Variants in ZNF81 observed in about 807,000 individuals in gnomAD.
ZNF81 encodes zinc finger protein 81.
Under a neutral mutation model 32.3 loss-of-function variants are expected in ZNF81, and 5 were observed. The ratio of observed to expected loss-of-function variants is 0.15; its 90% CI spans 0.08 to 0.33. ZNF81 has a LOEUF of 0.33. ZNF81 is among the 10% of genes least tolerant of loss of function. The pLI, the probability that ZNF81 is intolerant of heterozygous loss-of-function variation, is 1.00. For synonymous variants in ZNF81, 163 were observed against 166.8 expected (o/e 0.98, Z 0.17); for missense variants, 379 against 479.8 (o/e 0.79, Z 1.96).
At position 47,915,581 on chromosome X, in the gene ZNF81, C is replaced by T. The variant is rs1380074635; in HGVS notation, c.935C>T (p.Thr312Ile). 1.7e-6 allele frequency: 2 copies of T among 1,211,011 alleles called. No homozygotes were observed. Among genetic ancestry groups the T allele is most frequent in the African/African-American group, 1.7e-5 (1 of 57,757 alleles). The change falls in exon 5 of 5, where the codon ACA (threonine) becomes ATA (isoleucine). Residue 312 changes from threonine (T) to isoleucine (I), a missense_variant. Physicochemically the swap from Thr to Ile is moderately conservative, Grantham distance 89. Transcript: ENST00000338637. ...HELSKCVNVF[T>I]QKPLLSIYLR... ...CTTAGCAAATGTGTAAATGTTTTTA[C>T]ACAGAAGCCACTACTCAGTATATAT...
At chrX:47,846,070 A>G (rs1335107391) in intron 1 of ZNF81, 35 bp from the exon 2 acceptor site, 33 of 510,863 alleles carry the variant, frequency 6.5e-5, no homozygotes, top group Non-Finnish European at 1.0e-4. Flanking sequence ...AGTAAGTGCT[A>G]TCTGCCTCTG....
At chrX:47,853,218 C>G (rs1440033740) in intron 2 of ZNF81, among the ~76,000 whole-genome samples, 2 of 107,504 alleles carry the variant, frequency 1.9e-5, no homozygotes, top group Non-Finnish European at 3.8e-5. Context: ...CGCTCTGTTA[C>G]CAGGCTGGAG....
In ZNF81 at chrX:47,915,617, A is replaced by G. The variant is rs782122882; in HGVS notation, c.971A>G (p.His324Arg). 8.3e-6 allele frequency: 10 copies of G among 1,208,860 alleles called. No homozygotes were observed. The East Asian group carries it at 1.8e-4, about 21-fold the overall frequency. ...KPLLSIYLRV[H>R]RDEKLYICTK... ...CTACTCAGTATATATCTGAGAGTTC[A>G]TAGAGATGAAAAACTCTACATATGT... is the stretch of plus-strand genomic sequence containing the variant. Residue 324 changes from histidine to arginine, a missense_variant, in exon 5 of 5, where the codon CAT becomes CGT. Around this residue, in one of 2 missense-constraint regions of ZNF81, gnomAD observed 277 missense variants for 306.6 expected, o/e 0.90. Coordinates refer to ENST00000338637, the MANE Select transcript of ZNF81 (RefSeq NM_007137.5).
rs782063546 is a variant in ZNF81 at position 47,840,063 on chromosome X, C to T, written c.-164+3076C>T. Among the ~76,000 whole-genome samples the T allele has an allele frequency of 1.2e-3, 135 of 109,505 alleles. 1 individual carries two copies. The highest frequency in any genetic ancestry group is 2.1e-3 in the Non-Finnish European group (111 of 52,633). ...ACCCCTGTTTTAATGGCTGCAGGAT[C>T]TGCAGTTACATCTCTGTGTTTCATT... On this transcript the variant is annotated intron_variant, in intron 1 of 4. Coordinates refer to ENST00000338637, the MANE Select transcript of ZNF81 (RefSeq NM_007137.5).
In ZNF81 at chrX:47,916,632, A is replaced by G. The variant is rs1556890983; in HGVS notation, c.1986A>G (p.Ter662TrpextTer2). The G allele has an allele frequency of 8.3e-7, 1 of 1,199,558 alleles. No homozygotes were observed. The highest frequency in any genetic ancestry group is 3.0e-5 in the East Asian group (1 of 33,723). The change falls in exon 5 of 5, where the codon TGA becomes TGG. Residue 662 changes from the stop codon to tryptophan (W), a stop_lost. Coordinates refer to ENST00000338637, the MANE Select transcript of ZNF81 (RefSeq NM_007137.5). ...GTATGCATCGCAATATTCATACATGAAAGTAATCCTGTTTCTTGAAAATGA... is the reference window on the plus strand; with the variant it reads ...GTATGCATCGCAATATTCATACATGGAAGTAATCCTGTTTCTTGAAAATGA... Reference protein sequence around the residue: ...VLSMHRNIHT* With the variant: ...VLSMHRNIHTW
chrX:47,922,773 C>T lies in ZNF81; in HGVS notation c.*6141C>T, dbSNP rs1317832855. 8.9e-6 allele frequency among the ~76,000 whole-genome samples: 1 copy of T among 111,862 alleles called. No individual in the cohort carries two copies. The highest frequency in any genetic ancestry group is 3.3e-5 in the African/African-American group (1 of 30,735). On this transcript the variant is annotated 3_prime_UTR_variant, in exon 5 of 5. Transcript: ENST00000338637. ...AAACAGCAGAAATTGTCTCATTGTT[C>T]TTGAGGCTGGAGATCCGAATCACGG...
intron 4 of ZNF81, among the ~76,000 whole-genome samples, chrX:47,908,276 G>T (rs1556889402): frequency 9.0e-6 from 1 of 110,975 alleles, no homozygotes; most frequent in Non-Finnish European, 1.9e-5. Context: ...ATATGAGAAG[G>T]TGCTAAAGAT....
Position 47,850,617 on chromosome X carries a change from A to G in ZNF81, c.54+4296A>G, listed in dbSNP as rs1241171065. 3.8e-5 allele frequency among the ~76,000 whole-genome samples: 4 copies of G among 104,253 alleles called. No homozygotes were observed. In the East Asian group the frequency reaches 9.0e-4, roughly 23 times the overall value. The allele number at this position is 104,253 out of a possible 115,157, so 90.5% of individuals were successfully genotyped here. A position where few individuals can be genotyped will look rare whatever the true frequency, so the allele number is the denominator to read the frequency against. ...AGGGGCGTTGCAGGGAGGGAGGGAA[A>G]GAGGCATGAGTAAGGCTTCCGGCCA... On this transcript the variant is annotated intron_variant, in intron 2 of 4. Coordinates refer to ENST00000338637, the MANE Select transcript of ZNF81 (RefSeq NM_007137.5).
At chrX:47,861,125 G>A (rs1414280414) in intron 2 of ZNF81, 6 of 111,940 alleles carry the variant, frequency 5.4e-5, no homozygotes, top group African/African-American at 2.0e-4. Context: ...CCAATTTATA[G>A]CCAATTAGTG....
At chrX:47,881,707 C>T (rs2058621295) in intron 2 of ZNF81, among the ~76,000 whole-genome samples, 3 of 112,017 alleles carry the variant, frequency 2.7e-5, no homozygotes, top group Admixed American at 9.5e-5. Flanking sequence ...ACTTACATCC[C>T]CAGTAGAATT....
At chrX:47,842,356 G>A (rs1263324324) in intron 1 of ZNF81, among the ~76,000 whole-genome samples, 1 of 111,426 alleles carries the variant, frequency 9.0e-6, no homozygotes, top group Non-Finnish European at 1.9e-5. Context: ...AACAGGAATG[G>A]CTTTTCTTGG....
chrX:47,848,651 T>A (rs1194760180), intron 2 of ZNF81, among the ~76,000 whole-genome samples: 6 of 110,352 alleles, frequency 5.4e-5, no homozygotes, highest in Admixed American at 2.0e-4. Context: ...TGAGTATCCC[T>A]AATCCAAAAA....
chrX:47,876,320 A>C (rs2058599327), intron 2 of ZNF81, among the ~76,000 whole-genome samples: 1 of 112,612 alleles, frequency 8.9e-6, no homozygotes, highest in Non-Finnish European at 1.9e-5. Context: ...GCAACAGTGA[A>C]AATTCAACTC....
Position 47,924,023 on chromosome X carries a change from C to G in ZNF81, c.*7391C>G, listed in dbSNP as rs782701363. ...TTCTCCACCAGCTTCTCATGGCAGTCCCACATCAGCAGCTAGATGTGCCTG... is the reference window on the plus strand; with the variant it reads ...TTCTCCACCAGCTTCTCATGGCAGTGCCACATCAGCAGCTAGATGTGCCTG... On this transcript the variant is annotated 3_prime_UTR_variant, in exon 5 of 5. Transcript: ENST00000338637. Among the ~76,000 whole-genome samples the G allele has an allele frequency of 3.6e-5, 4 of 111,673 alleles. No individual in the cohort carries two copies. The South Asian group carries it at 1.5e-3, about 42-fold the overall frequency.
intron 2 of ZNF81, among the ~76,000 whole-genome samples, chrX:47,849,870 A>T (rs2058486783): frequency 8.9e-6 from 1 of 111,893 alleles, no homozygotes; most frequent in Non-Finnish European, 1.9e-5. Context: ...GACACGTGAG[A>T]CAGTGCTCAA....
At chrX:47,894,887 G>A (rs1293009776) in intron 3 of ZNF81, among the ~76,000 whole-genome samples, 1 of 111,734 alleles carries the variant, frequency 8.9e-6, no homozygotes. Context: ...GGTTTCATAG[G>A]TTCACAGATA....
intron 2 of ZNF81, among the ~76,000 whole-genome samples, chrX:47,875,757 A>G (rs1005642328): frequency 8.9e-6 from 1 of 112,098 alleles, no homozygotes; most frequent in East Asian, 2.8e-4. Flanking sequence ...AAGAAAGAAA[A>G]CAGTTTTATT....
At chrX:47,858,538 G>A (rs1209083432) in intron 2 of ZNF81, among the ~76,000 whole-genome samples, 1 of 111,343 alleles carries the variant, frequency 9.0e-6, no homozygotes, top group Non-Finnish European at 1.9e-5. Context: ...TTTATAAAGT[G>A]TCTTCCTTTG....
At position 47,846,434 on chromosome X, in the gene ZNF81, C is replaced by T. The variant is rs782341715; in HGVS notation, c.54+113C>T. 4.5e-5 allele frequency: 39 copies of T among 858,929 alleles called. No individual in the cohort carries two copies. In the East Asian group the frequency reaches 7.2e-4, roughly 16 times the overall value. 70.8% of individuals were successfully genotyped at this position (858,929 alleles called of 1,213,427 possible). On this transcript the variant is annotated intron_variant, in intron 2 of 4. Coordinates refer to ENST00000338637, the MANE Select transcript of ZNF81 (RefSeq NM_007137.5). ...CTTTTTTTAGCAGGCAGGAAAATTT[C>T]CCCCCACCCTCATTTTTATTGGTCA...
Sources: gnomAD v4.1 joint callset for allele counts (sites outside exome capture counted in the v4.1 genomes callset) on GRCh38, gnomAD v4.1.1 for gene constraint, gnomAD v4.1.1 regional missense constraint, MANE v1.5 for transcripts, NCBI Gene and HGNC (gene_info 2026-07-23, HGNC 2026-07-21) for gene names.